ZNF440: variants seen among roughly 807,000 people sequenced by gnomAD.
ZNF440 encodes zinc finger protein 440.
Under a neutral mutation model 49.7 loss-of-function variants are expected in ZNF440, and 47 were observed. That is an observed-to-expected ratio of 0.95 (90% confidence interval 0.75 to 1.21). The LOEUF (loss-of-function observed/expected upper bound fraction) is 1.21, where lower values mean the gene tolerates loss of function less well. Ranked by LOEUF, ZNF440 falls within the 50% of genes most tolerant of loss-of-function variation. ZNF440 has a pLI of 0.00. For missense variants in ZNF440, 703 were observed against 715.0 expected, an observed-to-expected ratio of 0.98 and a Z score of 0.19; for synonymous variants, 255 against 237.7, an observed-to-expected ratio of 1.07 and a Z score of -0.67.
At chr19:11,820,921 A>G (rs1465668286) in intron 1 of ZNF440, among the ~76,000 whole-genome samples, 1 of 152,202 alleles carries the variant, frequency 6.6e-6, no homozygotes, top group Non-Finnish European at 1.5e-5. Context: ...CCTGCAAAGC[A>G]AAATATACAT....
intron 1 of ZNF440, among the ~76,000 whole-genome samples, chr19:11,825,026 C>T (rs962929389): frequency 6.6e-6 from 1 of 151,922 alleles, no homozygotes; most frequent in Admixed American, 6.6e-5. Flanking sequence ...CTATTCTAAA[C>T]ATCTTGACTG....
intron 3 of ZNF440, 104 bp downstream of exon 3, chr19:11,830,781 T>A (rs1352282874): frequency 2.9e-6 from 4 of 1,401,544 alleles, no homozygotes; most frequent in Non-Finnish European, 3.9e-6. Context: ...AGGATCAAAT[T>A]CATTTATTTT....
Position 11,814,586 on chromosome 19 carries a change from G to A in ZNF440, c.3+136G>A. 4 of 1,086,852 alleles carry A rather than the reference G, an allele frequency of 3.7e-6. No individual in the cohort carries two copies. In the Admixed American group the frequency reaches 1.2e-4, roughly 33 times the overall value. The allele number at this position is 1,086,852 out of a possible 1,614,324, so 67.3% of individuals were successfully genotyped here. A position where few individuals can be genotyped will look rare whatever the true frequency, so the allele number is the denominator to read the frequency against. On this transcript the variant is annotated intron_variant, in intron 1 of 3. Coordinates refer to ENST00000304060, the MANE Select transcript of ZNF440 (RefSeq NM_152357.3). ...CGAGTCCCCTCGGTCGCAGGGTGGG[G>A]CTGGGCCGGCAGCCGGGACCCCGGG...
At chr19:11,820,589 G>A (rs1473508485) in intron 1 of ZNF440, among the ~76,000 whole-genome samples, 3 of 152,110 alleles carry the variant, frequency 2.0e-5, no homozygotes, top group Non-Finnish European at 4.4e-5. Flanking sequence ...AAATCCCCAC[G>A]ACTGCCCTGT....
Position 11,832,273 on chromosome 19 carries a change from AACCCTATAAATGT to A in ZNF440, c.1099_1111del (p.Pro367SerfsTer66). ...CATGAAAAAATTCACAGTGGAGAGA[AACCCTATAAATGT>A]AAGCAGTGTGGTAAAGCCTTCCCTC... is the stretch of plus-strand genomic sequence containing the variant. On this transcript the variant is annotated frameshift_variant, in exon 4 of 4. Transcript: ENST00000304060. LOFTEE classifies it high-confidence loss of function. 6.2e-7 allele frequency: 1 copy of A among 1,614,102 alleles called. No individual in the cohort carries two copies. Among genetic ancestry groups the A allele is most frequent in the South Asian group, 1.1e-5 (1 of 91,084 alleles).
chr19:11,820,316 A>G (rs1286357414), intron 1 of ZNF440, among the ~76,000 whole-genome samples: 3 of 152,106 alleles, frequency 2.0e-5, no homozygotes, highest in South Asian at 2.1e-4. Context: ...TCCCGGGTTC[A>G]TGCCATTCTC....
rs1040505691 is a variant in ZNF440, at chr19:11,833,540, T to C, written c.*576T>C. 2.2e-5 allele frequency: 6 copies of C among 274,428 alleles called. No individual in the cohort carries two copies. The highest frequency in any genetic ancestry group is 4.3e-5 in the Non-Finnish European group (6 of 140,994). The allele number at this position is 274,428 out of a possible 1,614,324, so 17.0% of individuals were successfully genotyped here. A position where few individuals can be genotyped will look rare whatever the true frequency, so the allele number is the denominator to read the frequency against. ...TTTCACTTCTTCCAGTTCTTTTCAA[T>C]ATCATGAAAGAACACACTAGGGAGA... On this transcript the variant is annotated 3_prime_UTR_variant, in exon 4 of 4. Transcript: ENST00000304060.
chr19:11,821,555 C>A (rs1013262783), intron 1 of ZNF440, among the ~76,000 whole-genome samples: 1 of 151,852 alleles, frequency 6.6e-6, no homozygotes, highest in Non-Finnish European at 1.5e-5. Context: ...GGACCAGTAG[C>A]CTGCAAATCA....
At position 11,822,318 on chromosome 19, in the gene ZNF440, C is replaced by T. The variant is rs73922697; in HGVS notation, c.3+7868C>T. Among the ~76,000 whole-genome samples the T allele has an allele frequency of 7.3e-3, 1,108 of 152,104 alleles. 6 individuals carry two copies. Among genetic ancestry groups the T allele is most frequent in the African/African-American group, 0.026 (1,063 of 41,474 alleles). Reference sequence around the variant, plus strand: ...GTTGAGTTTGAATAAAGTTTTCTTCCGTTATGAGAAAGTTAAATCCTTAAA... The same window carrying T: ...GTTGAGTTTGAATAAAGTTTTCTTCTGTTATGAGAAAGTTAAATCCTTAAA... On this transcript the variant is annotated intron_variant, in intron 1 of 3. Coordinates refer to ENST00000304060, the MANE Select transcript of ZNF440 (RefSeq NM_152357.3).
intron 1 of ZNF440, among the ~76,000 whole-genome samples, chr19:11,826,751 C>A (rs1975872226): frequency 6.6e-6 from 1 of 151,254 alleles, no homozygotes; most frequent in South Asian, 2.1e-4. Context: ...GCAGCCTCTG[C>A]CTCCCGGGTT....
Position 11,832,351 on chromosome 19 carries a change from G to T in ZNF440, c.1175G>T (p.Gly392Val), listed in dbSNP as rs762836975. The change falls in exon 4 of 4, where the codon GGA (glycine) becomes GTA (valine). Residue 392 changes from glycine (G) to valine (V), a missense_variant. Gly to Val is a moderately radical substitution (Grantham distance 109). Coordinates refer to ENST00000304060, the MANE Select transcript of ZNF440 (RefSeq NM_152357.3). ...SLRYHERTHT[G>V]EKPYECKQCG... Reference sequence around the variant, plus strand: ...CGATATCATGAAAGGACTCACACTGGAGAGAAACCCTATGAGTGTAAGCAA... The same window carrying T: ...CGATATCATGAAAGGACTCACACTGTAGAGAAACCCTATGAGTGTAAGCAA... The T allele has an allele frequency of 1.9e-6, 3 of 1,614,162 alleles. No individual in the cohort carries two copies. The highest frequency in any genetic ancestry group is 1.7e-6 in the Non-Finnish European group (2 of 1,180,040).
chr19:11,829,972 A>T (rs554511796), intron 1 of ZNF440: 3 of 333,764 alleles, frequency 9.0e-6, no homozygotes, highest in Non-Finnish European at 1.6e-5. Context: ...AAAATACAAC[A>T]TTAGCCAGGC....
At chr19:11,825,791 C>CTTT (rs112631754) in intron 1 of ZNF440, among the ~76,000 whole-genome samples, 1,780 of 117,002 alleles carry the variant, frequency 0.015, 29 homozygotes, top group African/African-American at 0.037. Context: ...CACTGATTTT[C>CTTT]TTTTTTTTTT....
At chr19:11,825,050 C>T (rs1255964315) in intron 1 of ZNF440, among the ~76,000 whole-genome samples, 1 of 151,904 alleles carries the variant, frequency 6.6e-6, no homozygotes, top group African/African-American at 2.4e-5. Context: ...AGGTGCTGAG[C>T]CTTATACCTG....
At position 11,833,215 on chromosome 19, in the gene ZNF440, G is replaced by GAC; in HGVS notation, c.*258_*259dup. The GAC allele has an allele frequency of 9.8e-7, 1 of 1,017,002 alleles. No homozygotes were observed. Among genetic ancestry groups the GAC allele is most frequent in the Non-Finnish European group, 1.5e-6 (1 of 686,254 alleles). 63.0% of individuals were successfully genotyped at this position (1,017,002 alleles called of 1,614,324 possible). Reference sequence around the variant, plus strand: ...TCAAAAATCTTCGATTTCATAAAAGGACACACACTGGAGAGAAACCCTGTG... The same window carrying GAC: ...TCAAAAATCTTCGATTTCATAAAAGGACACACACACTGGAGAGAAACCCTGTG... On this transcript the variant is annotated 3_prime_UTR_variant, in exon 4 of 4. Transcript: ENST00000304060.
At position 11,832,927 on chromosome 19, in the gene ZNF440, G is replaced by C; in HGVS notation, c.1751G>C (p.Arg584Thr). The C allele has an allele frequency of 6.2e-7, 1 of 1,609,444 alleles. No homozygotes were observed. Among genetic ancestry groups the C allele is most frequent in the East Asian group, 2.2e-5 (1 of 44,756 alleles). Reference sequence around the variant, plus strand: ...GTGGGAAACCCTTCGGATCTGCCCAGAACCTTCGAATTCATGAAAGGACAC... The same window carrying C: ...GTGGGAAACCCTTCGGATCTGCCCACAACCTTCGAATTCATGAAAGGACAC... ...RNVGNPSDLP[R>T]TFEFMKGHKH... The change falls in exon 4 of 4, where the codon AGA (arginine) becomes ACA (threonine). Residue 584 changes from arginine (R) to threonine (T), a missense_variant. Transcript: ENST00000304060.
intron 2 of ZNF440, 31 bp downstream of exon 2, chr19:11,830,440 C>T (rs774918713): frequency 9.9e-6 from 16 of 1,612,408 alleles, no homozygotes; most frequent in Admixed American, 5.0e-5. Flanking sequence ...TCCCTCAGTC[C>T]ATTAGTGAAC....
intron 1 of ZNF440, among the ~76,000 whole-genome samples, chr19:11,820,868 C>A (rs1975791149): frequency 1.3e-5 from 2 of 151,998 alleles, no homozygotes; most frequent in African/African-American, 4.8e-5. Flanking sequence ...CAGAGAACTC[C>A]CAAAAGACAA....
chr19:11,827,916 G>A (rs990710683), intron 1 of ZNF440, among the ~76,000 whole-genome samples: 5 of 152,034 alleles, frequency 3.3e-5, no homozygotes, highest in African/African-American at 9.7e-5. Flanking sequence ...AGATTTTTCT[G>A]TGTTCCTAGT....
Sources: gnomAD v4.1 joint callset for allele counts (sites outside exome capture counted in the v4.1 genomes callset) on GRCh38, gnomAD v4.1.1 for gene constraint, MANE v1.5 for transcripts, NCBI Gene and HGNC (gene_info 2026-07-23, HGNC 2026-07-21) for gene names.